DCDC2B: variants seen among roughly 807,000 people sequenced by gnomAD.
DCDC2B encodes the protein doublecortin domain containing 2B, also known as doublecortin domain-containing protein 2B.
DCDC2B carries 41 observed loss-of-function variants against 38.9 expected under a neutral mutation model. The ratio of observed to expected loss-of-function variants is 1.05; its 90% CI spans 0.82 to 1.37. The LOEUF is 1.37. Ranked by LOEUF, DCDC2B falls within the 40% of genes most tolerant of loss-of-function variation. The pLI, the probability that DCDC2B is intolerant of heterozygous loss-of-function variation, is 0.00. For missense variants in DCDC2B, 453 were observed against 427.2 expected (o/e 1.06, Z -0.53); for synonymous variants, 181 against 171.9 (o/e 1.05, Z -0.41).
intron 1 of DCDC2B, among the ~76,000 whole-genome samples, chr1:32,209,639 G>A (rs1446275257): frequency 3.3e-5 from 5 of 152,182 alleles, no homozygotes. Flanking sequence ...CTCTCCCACA[G>A]GGTGAGCCCC....
rs1181268020 is a variant in DCDC2B, at chr1:32,209,163, T to A, written c.70T>A (p.Ser24Thr). 3.1e-6 allele frequency: 5 copies of A among 1,613,844 alleles called. No homozygotes were observed. The highest frequency in any genetic ancestry group is 4.2e-6 in the Non-Finnish European group (5 of 1,179,882). The change falls in exon 1 of 9, where the codon TCC becomes ACC. Residue 24 changes from serine (S) to threonine (T), a missense_variant. Physicochemically the swap from Ser to Thr is moderately conservative, Grantham distance 58 (BLOSUM62 1). Transcript: ENST00000409358. ...YRNGDPFFPG[S>T]QLVVTQRRFP... ...GAATGGGGACCCATTCTTCCCAGGC[T>A]CCCAGCTGGTGGTGACTCAACGCCG...
At chr1:32,211,595 G>C (rs560267811) in intron 2 of DCDC2B, among the ~76,000 whole-genome samples, 166 bp from the exon 3 acceptor site, 1 of 152,304 alleles carries the variant, frequency 6.6e-6, no homozygotes, top group Admixed American at 6.5e-5. Flanking sequence ...ATGTGACTTA[G>C]GGAACATCTA....
chr1:32,216,033 C>T lies in DCDC2B; in HGVS notation c.*136C>T. On this transcript the variant is annotated 3_prime_UTR_variant, in exon 9 of 9. Transcript: ENST00000409358. ...TACACTGCGGCCTCCTCAGCCCTCC[C>T]CGTTCTCCTGCTCCTAAACCCACAG... 5.0e-6 allele frequency: 4 copies of T among 797,014 alleles called. No homozygotes were observed. The highest frequency in any genetic ancestry group is 8.1e-6 in the Non-Finnish European group (4 of 491,024). 49.4% of individuals were successfully genotyped at this position (797,014 alleles called of 1,614,324 possible).
Position 32,212,637 on chromosome 1 carries a change from G to C in DCDC2B, c.674+1G>C. ...GCCCCTCCCTGCCCAGGGGCTGCTG[G>C]TATGTATGTGGGAGGTGGAGCGGTA... On this transcript the variant is annotated splice_donor_variant, in intron 5 of 8. Transcript: ENST00000409358. LOFTEE classifies it high-confidence loss of function. The C allele has an allele frequency of 1.9e-6, 3 of 1,613,918 alleles. No individual in the cohort carries two copies. Among genetic ancestry groups the C allele is most frequent in the Non-Finnish European group, 2.5e-6 (3 of 1,179,828 alleles).
intron 6 of DCDC2B, among the ~76,000 whole-genome samples, chr1:32,213,239 G>A (rs1430927790): frequency 1.3e-5 from 2 of 151,614 alleles, no homozygotes; most frequent in Non-Finnish European, 2.9e-5. Flanking sequence ...ACGATATTGC[G>A]AAGGCTGGTC....
rs1297427767 is a variant in DCDC2B at position 32,209,284 on chromosome 1, C to G, written c.191C>G (p.Pro64Arg). The G allele has an allele frequency of 6.2e-7, 1 of 1,614,040 alleles. No individual in the cohort carries two copies. The highest frequency in any genetic ancestry group is 1.3e-5 in the African/African-American group (1 of 75,046). Residue 64 changes from proline to arginine, a missense_variant, in exon 1 of 9, where the codon CCT (proline) becomes CGT (arginine). By Grantham distance (103) the Pro-to-Arg change is moderately radical. Transcript: ENST00000409358. ...RALYTPCHGH[P>R]VTNLADLKNR... Reference sequence around the variant, plus strand: ...CTCTACACACCTTGTCATGGCCACCCTGTCACCAACCTGGCAGACTTGAAG... The same window carrying G: ...CTCTACACACCTTGTCATGGCCACCGTGTCACCAACCTGGCAGACTTGAAG...
At chr1:32,214,535 T>C (rs1643719036) in intron 6 of DCDC2B, 2 of 475,036 alleles carry the variant, frequency 4.2e-6, no homozygotes, top group African/African-American at 2.0e-5. Context: ...CCAGTGAGCA[T>C]GGGGCATGGT....
In DCDC2B at chr1:32,212,418, C is replaced by T. The variant is rs1353391369; in HGVS notation, c.528-72C>T. 2.5e-6 allele frequency: 4 copies of T among 1,588,448 alleles called. No homozygotes were observed. The Admixed American group carries it at 5.1e-5, about 20-fold the overall frequency. ...GGGCACCTTGGAATAGCTGCACCCACCCCTTCAGTCTGCTGAATGTGAAGA... is the reference window on the plus strand; with the variant it reads ...GGGCACCTTGGAATAGCTGCACCCATCCCTTCAGTCTGCTGAATGTGAAGA... On this transcript the variant is annotated intron_variant, in intron 4 of 8. Transcript: ENST00000409358.
intron 4 of DCDC2B, 101 bp downstream of exon 4, chr1:32,212,302 C>T: frequency 6.4e-7 from 1 of 1,561,814 alleles, no homozygotes; most frequent in Non-Finnish European, 8.7e-7. Flanking sequence ...AAGCATGTTC[C>T]CCCACATGGG....
rs759231004 is a variant in DCDC2B at position 32,212,491 on chromosome 1, C to G, written c.529C>G (p.Leu177Val). The G allele has an allele frequency of 1.1e-5, 17 of 1,613,800 alleles. No homozygotes were observed. Among genetic ancestry groups the G allele is most frequent in the Non-Finnish European group, 1.4e-5 (17 of 1,179,800 alleles). Reference protein sequence around the residue: ...VKLQSGAVCKLCTLEGLPLSA... With the variant: ...VKLQSGAVCKVCTLEGLPLSA... Reference sequence around the variant, plus strand: ...ATCCTCCTCACCTCTCTCTCCCAGACTCTGCACCCTAGAGGGGCTCCCACT... The same window carrying G: ...ATCCTCCTCACCTCTCTCTCCCAGAGTCTGCACCCTAGAGGGGCTCCCACT... Residue 177 changes from leucine (L) to valine (V), a missense_variant and splice_region_variant, in exon 5 of 9, where the codon CTC (leucine) becomes GTC (valine). Coordinates refer to ENST00000409358, the MANE Select transcript of DCDC2B (RefSeq NM_001099434.2).
intron 1 of DCDC2B, 149 bp from the exon 2 acceptor site, chr1:32,211,123 C>T (rs1643566476): frequency 1.3e-6 from 1 of 769,130 alleles, no homozygotes; most frequent in Non-Finnish European, 2.2e-6. Context: ...GGTTCAGCTG[C>T]CAATATCTTG....
At chr1:32,210,911 GC>G (rs1458239987) in intron 1 of DCDC2B, among the ~76,000 whole-genome samples, 17 of 152,074 alleles carry the variant, frequency 1.1e-4, no homozygotes, top group Admixed American at 1.3e-4. Context: ...CAATGAGGTT[GC>G]CCAGGCTGGT....
Position 32,216,026 on chromosome 1 carries a change from G to A in DCDC2B, c.*129G>A. 1.2e-6 allele frequency: 1 copy of A among 827,110 alleles called. No individual in the cohort carries two copies. Among genetic ancestry groups the A allele is most frequent in the Non-Finnish European group, 1.9e-6 (1 of 514,998 alleles). The allele number at this position is 827,110 out of a possible 1,614,324, so 51.2% of individuals were successfully genotyped here. A position where few individuals can be genotyped will look rare whatever the true frequency, so the allele number is the denominator to read the frequency against. ...CACAGGGTACACTGCGGCCTCCTCAGCCCTCCCCGTTCTCCTGCTCCTAAA... is the reference window on the plus strand; with the variant it reads ...CACAGGGTACACTGCGGCCTCCTCAACCCTCCCCGTTCTCCTGCTCCTAAA... On this transcript the variant is annotated 3_prime_UTR_variant, in exon 9 of 9. Coordinates refer to ENST00000409358, the MANE Select transcript of DCDC2B (RefSeq NM_001099434.2).
intron 6 of DCDC2B, 69 bp downstream of exon 6, chr1:32,212,862 A>T (rs1477612853): frequency 1.9e-6 from 3 of 1,551,248 alleles, no homozygotes; most frequent in East Asian, 4.5e-5. Context: ...CTTCTGGCAC[A>T]GGCTCTGACC....
intron 2 of DCDC2B, among the ~76,000 whole-genome samples, chr1:32,211,553 T>C (rs1331687929): frequency 6.6e-6 from 1 of 152,194 alleles, no homozygotes; most frequent in African/African-American, 2.4e-5. Context: ...GAGAAAGATG[T>C]GAAACACAGA....
chr1:32,209,448 G>A, intron 1 of DCDC2B, 89 bp downstream of exon 1: 1 of 1,526,862 alleles, frequency 6.5e-7, no homozygotes, highest in Non-Finnish European at 8.9e-7. Flanking sequence ...GTACCAGCAT[G>A]TTACTGGTAC....
chr1:32,214,823 C>G lies in DCDC2B; in HGVS notation c.741C>G (p.Thr247=), dbSNP rs1472124594. ...QGAQGHRAQV[T]QPSPKEPDRI... ...CCCAAGGCCACAGGGCCCAGGTAAC[C>G]CAGCCCTCTCCAAAGGAACCAGACC... The change falls in exon 7 of 9, where the codon ACC becomes ACG. Residue 247 remains threonine (T), a synonymous_variant. Coordinates refer to ENST00000409358, the MANE Select transcript of DCDC2B (RefSeq NM_001099434.2). The G allele has an allele frequency of 6.2e-7, 1 of 1,613,954 alleles. No individual in the cohort carries two copies. Among genetic ancestry groups the G allele is most frequent in the African/African-American group, 1.3e-5 (1 of 75,022 alleles).
intron 6 of DCDC2B, among the ~76,000 whole-genome samples, chr1:32,213,555 C>T (rs1349737102): frequency 2.1e-5 from 3 of 140,678 alleles, no homozygotes; most frequent in African/African-American, 8.2e-5. Flanking sequence ...GTTGCCCAGG[C>T]TGGAATGCAG....
chr1:32,214,750 T>TA, intron 6 of DCDC2B, 47 bp from the exon 7 acceptor site: 1 of 1,610,038 alleles, frequency 6.2e-7, no homozygotes, highest in Non-Finnish European at 8.5e-7. Context: ...GTAGGAAAGG[T>TA]AAGAATGGCC....
Sources: gnomAD v4.1 joint callset for allele counts (sites outside exome capture counted in the v4.1 genomes callset) on GRCh38, gnomAD v4.1.1 for gene constraint, MANE v1.5 for transcripts, NCBI Gene and HGNC (gene_info 2026-07-23, HGNC 2026-07-21) for gene names.